ITGA1: variants seen among roughly 807,000 people sequenced by gnomAD.
The protein encoded by ITGA1 is integrin subunit alpha 1.
A neutral mutation model predicts 145.9 loss-of-function variants in ITGA1; 85 were observed. The ratio of observed to expected loss-of-function variants is 0.58; its 90% CI spans 0.49 to 0.70. ITGA1 has a LOEUF of 0.70. ITGA1 is among the 30% of genes least tolerant of loss of function. The probability of loss-of-function intolerance (pLI) is 0.00; values close to 1 mark genes in which losing one functional copy is unlikely to be tolerated. For synonymous variants in ITGA1, 520 were observed against 495.3 expected (o/e 1.05, Z -0.66); for missense variants, 1,351 against 1,418.7 (o/e 0.95, Z 0.77).
intron 6 of ITGA1, among the ~76,000 whole-genome samples, chr5:52,878,955 A>C (rs559667809): frequency 1.7e-5 from 2 of 119,412 alleles, no homozygotes; most frequent in East Asian, 5.4e-4. Context: ...AATCTAGTCT[A>C]AGTACCAAAA....
chr5:52,877,012 T>C (rs918401190), intron 6 of ITGA1, among the ~76,000 whole-genome samples: 1 of 152,094 alleles, frequency 6.6e-6, no homozygotes, highest in Non-Finnish European at 1.5e-5. Flanking sequence ...GAATTTAGCA[T>C]TGGAATATTA....
In ITGA1 at chr5:52,956,517, T is replaced by G. The variant is rs947453854; in HGVS notation, c.*4066T>G. The G allele has an allele frequency of 7.2e-5, 11 of 152,164 alleles. No homozygotes were observed. Among genetic ancestry groups the G allele is most frequent in the Non-Finnish European group, 2.9e-5 (2 of 68,030 alleles). The allele number at this position is 152,164 out of a possible 1,614,324, so 9.4% of individuals were successfully genotyped here. ...GTACCAGCTTCAGTGACTCAATCAT[T>G]TATACAGGATTTCAGTGTTTTGTTC... is the stretch of plus-strand genomic sequence containing the variant. On this transcript the variant is annotated 3_prime_UTR_variant, in exon 29 of 29. Transcript: ENST00000282588.
At chr5:52,835,703 TA>T (rs1221562969) in intron 1 of ITGA1, among the ~76,000 whole-genome samples, 1 of 152,298 alleles carries the variant, frequency 6.6e-6, no homozygotes, top group African/African-American at 2.4e-5. Context: ...AGAAATTAGT[TA>T]TTAGATTCCA....
At chr5:52,800,467 G>GACATGTGGC (rs1274708153) in intron 1 of ITGA1, 1 of 1,613,964 alleles carries the variant, frequency 6.2e-7, no homozygotes, top group Non-Finnish European at 8.5e-7. Context: ...GGAGCCTGAG[G>GACATGTGGC]ACATGTGGCA....
At chr5:52,914,669 G>T (rs923177263) in intron 14 of ITGA1, among the ~76,000 whole-genome samples, 2 of 151,932 alleles carry the variant, frequency 1.3e-5, no homozygotes, top group Non-Finnish European at 2.9e-5. Context: ...TTTCCATTTG[G>T]TTTGCCTTAG....
chr5:52,945,485 G>A (rs1204345741), intron 27 of ITGA1, among the ~76,000 whole-genome samples: 1 of 152,060 alleles, frequency 6.6e-6, no homozygotes, highest in African/African-American at 2.4e-5. Flanking sequence ...ATTTCATTGA[G>A]AAATTTGAAA....
At chr5:52,865,841 T>C in intron 6 of ITGA1, 24 bp downstream of exon 6, 4 of 1,544,870 alleles carry the variant, frequency 2.6e-6, no homozygotes, top group Non-Finnish European at 3.5e-6. Flanking sequence ...TGTTTTGATT[T>C]CTGTTGTTCT....
At chr5:52,924,533 T>C (rs1296430233) in intron 18 of ITGA1, among the ~76,000 whole-genome samples, 1 of 152,216 alleles carries the variant, frequency 6.6e-6, no homozygotes, top group East Asian at 1.9e-4. Context: ...ATTCGGGACT[T>C]GGTGCCACTG....
At chr5:52,932,367 A>G (rs781261059) in intron 22 of ITGA1, 11 of 405,270 alleles carry the variant, frequency 2.7e-5, no homozygotes, top group Non-Finnish European at 4.4e-5. Context: ...TAAATAACCC[A>G]AAGTGTTAGG....
At position 52,865,727 on chromosome 5, in the gene ITGA1, T is replaced by C. The variant is rs771004561; in HGVS notation, c.534T>C (p.Asp178=). ...AACTGGACATAGTCATAGTGCTGGATGGTTCCAACAGTATTTACCCATGGG... is the reference window on the plus strand; with the variant it reads ...AACTGGACATAGTCATAGTGCTGGACGGTTCCAACAGTATTTACCCATGGG... The part of the protein sequence containing the change: ...STQLDIVIVL[D]GSNSIYPWDS... The change falls in exon 6 of 29, where the codon GAT becomes GAC. Residue 178 remains aspartate, a synonymous_variant. Transcript: ENST00000282588. The C allele has an allele frequency of 6.3e-7, 1 of 1,593,714 alleles. No individual in the cohort carries two copies. Among genetic ancestry groups the C allele is most frequent in the South Asian group, 1.1e-5 (1 of 87,338 alleles).
intron 2 of ITGA1, among the ~76,000 whole-genome samples, chr5:52,861,164 C>G (rs181171388): frequency 1.6e-4 from 25 of 152,156 alleles, no homozygotes; most frequent in Non-Finnish European, 3.5e-4. Flanking sequence ...TATACACACA[C>G]ATATACATGT....
chr5:52,838,377 A>T (rs1749196724), intron 1 of ITGA1, among the ~76,000 whole-genome samples: 1 of 152,030 alleles, frequency 6.6e-6, no homozygotes, highest in South Asian at 2.1e-4. Context: ...AGGATGGACA[A>T]TTTTTTTTAA....
At chr5:52,911,978 ATACTATATGTATAGTGTGTATC>A (rs1561246714) in intron 14 of ITGA1, among the ~76,000 whole-genome samples, 3 of 75,846 alleles carry the variant, frequency 4.0e-5, no homozygotes, top group Non-Finnish European at 8.7e-5. Context: ...TCTACTATAT[ATACTATATGTATAGTGTGTATC>A]TACTATATAT....
At chr5:52,861,326 T>A in intron 2 of ITGA1, 121 bp from the exon 3 acceptor site, 1 of 648,380 alleles carries the variant, frequency 1.5e-6, no homozygotes, top group South Asian at 1.9e-5. Context: ...AAATTACTAA[T>A]AGCATGATTA....
chr5:52,907,437 A>G (rs573279216), intron 12 of ITGA1, among the ~76,000 whole-genome samples: 15 of 152,310 alleles, frequency 9.8e-5, no homozygotes, highest in African/African-American at 3.6e-4. Context: ...CATTAATTGT[A>G]TACAAGACAA....
At chr5:52,841,481 C>A (rs1749253072) in intron 1 of ITGA1, among the ~76,000 whole-genome samples, 1 of 152,128 alleles carries the variant, frequency 6.6e-6, no homozygotes, top group Admixed American at 6.6e-5. Context: ...AGATTTCAAA[C>A]CAACTAGAAT....
chr5:52,792,194 G>A (rs532601137), intron 1 of ITGA1, among the ~76,000 whole-genome samples: 1 of 152,218 alleles, frequency 6.6e-6, no homozygotes, highest in South Asian at 2.1e-4. Flanking sequence ...ATTTTGGTTG[G>A]CCTAGAAGCA....
chr5:52,795,331 G>A (rs1748319803), intron 1 of ITGA1, among the ~76,000 whole-genome samples: 1 of 151,728 alleles, frequency 6.6e-6, no homozygotes, highest in Non-Finnish European at 1.5e-5. Flanking sequence ...AAAAAGATTA[G>A]GTTTGTGTTG....
chr5:52,817,017 G>A (rs904809902), intron 1 of ITGA1, among the ~76,000 whole-genome samples: 3 of 152,162 alleles, frequency 2.0e-5, no homozygotes, highest in South Asian at 2.1e-4. Flanking sequence ...GATAAACTTT[G>A]TCAGTTTAGA....
Sources: allele counts gnomAD v4.1 joint callset (sites outside exome capture counted in the v4.1 genomes callset), GRCh38; gene constraint gnomAD v4.1.1; transcripts MANE v1.5; gene names NCBI Gene and HGNC (gene_info 2026-07-23, HGNC 2026-07-21).